The following LPAR6 variants were observed in gnomAD, a reference collection of about 807,000 sequenced individuals.
The protein encoded by LPAR6 is lysophosphatidic acid receptor 6.
A neutral mutation model predicts 22.0 loss-of-function variants in LPAR6; 17 were observed. The observed-to-expected ratio is 0.77, with a 90% CI of 0.53 to 1.16. The LOEUF is 1.16. Among genes scored for constraint, LPAR6 ranks in the 50% most tolerant of loss-of-function variants. The pLI is 0.00. For synonymous variants in LPAR6, 136 were observed against 139.8 expected, an observed-to-expected ratio of 0.97 and a Z score of 0.19; for missense variants, 384 against 406.9, an observed-to-expected ratio of 0.94 and a Z score of 0.48.
At position 48,411,960 on chromosome 13, in the gene LPAR6, T is replaced by G; in HGVS notation, c.464A>C (p.Gln155Pro). 2 of 1,612,676 alleles carry G rather than the reference T, an allele frequency of 1.2e-6. No homozygotes were observed. The highest frequency in any genetic ancestry group is 1.7e-6 in the Non-Finnish European group (2 of 1,179,192). ...ATTGTTACCCTGAGAGTGGGTAGAC[T>G]GAACAAAAACGGCGGGTGCACTTCC... ...IGGSAPAVFV[Q>P]STHSQGNNAS... Residue 155 changes from glutamine (Q) to proline (P), a missense_variant, in exon 1 of 1, where the codon CAG (glutamine) becomes CCG (proline). Gln to Pro is a moderately conservative substitution (Grantham distance 76). Coordinates refer to ENST00000620633, the MANE Select transcript of LPAR6 (RefSeq NM_001162498.3).
At chr13:48,394,464 T>G (rs913566566) in intron 1 of LPAR6, among the ~76,000 whole-genome samples, 3 of 152,172 alleles carry the variant, frequency 2.0e-5, no homozygotes, top group African/African-American at 7.2e-5. Context: ...CCTCAGCGGA[T>G]CCCACCCCCA....
intron 1 of LPAR6, among the ~76,000 whole-genome samples, chr13:48,444,282 C>T (rs1323780549): frequency 6.6e-6 from 1 of 152,096 alleles, no homozygotes; most frequent in Non-Finnish European, 1.5e-5. Flanking sequence ...TTTGGGAGGT[C>T]GAGGTGGGCA....
In LPAR6 at chr13:48,441,356, G is replaced by C. The variant is rs116656774; in HGVS notation, c.-1474+3197C>G. ...TACCTTTACATATCAAATTTCTATT[G>C]TATCTGGCCAACCTTTGATTTTAAG... On this transcript the variant is annotated intron_variant, in intron 1 of 6. Transcript: ENST00000378434. 4.7e-3 allele frequency among the ~76,000 whole-genome samples: 718 copies of C among 152,226 alleles called. 3 individuals carry two copies. Among genetic ancestry groups the C allele is most frequent in the African/African-American group, 0.016 (678 of 41,516 alleles).
chr13:48,397,699 C>T (rs980585876), intron 1 of LPAR6, among the ~76,000 whole-genome samples: 3 of 151,836 alleles, frequency 2.0e-5, no homozygotes, highest in Non-Finnish European at 4.4e-5. Context: ...AAATTTAAAT[C>T]GAGGGTCATT....
intron 1 of LPAR6, among the ~76,000 whole-genome samples, chr13:48,404,500 A>G (rs1948721944): frequency 6.6e-6 from 1 of 152,024 alleles, no homozygotes; most frequent in Admixed American, 6.6e-5. Context: ...AAGGGCCCAT[A>G]GTGCCAAGCA....
At chr13:48,415,404 C>T (rs1036407156), upstream of LPAR6, among the ~76,000 whole-genome samples, 1 of 151,748 alleles carries the variant, frequency 6.6e-6, no homozygotes, top group South Asian at 2.1e-4. Flanking sequence ...CTCAGCCTCC[C>T]GAGTAGCTGG....
At chr13:48,420,442 C>G (rs1042746115) in intron 2 of LPAR6, among the ~76,000 whole-genome samples, 2 of 152,164 alleles carry the variant, frequency 1.3e-5, no homozygotes, top group Admixed American at 1.3e-4. Context: ...ACTGAATCAG[C>G]AAAAGCTGGA....
At chr13:48,425,910 T>G (rs1487267855) in intron 1 of LPAR6, among the ~76,000 whole-genome samples, 1 of 152,222 alleles carries the variant, frequency 6.6e-6, no homozygotes, top group Non-Finnish European at 1.5e-5. Context: ...TGTGACTTGC[T>G]TAGGATTACA....
chr13:48,432,015 A>T (rs1276324322), intron 1 of LPAR6, among the ~76,000 whole-genome samples: 2 of 152,200 alleles, frequency 1.3e-5, no homozygotes, highest in Admixed American at 1.3e-4. Context: ...TGGAGAAGAC[A>T]ATCAATAAAT....
chr13:48,411,026 A>C (rs1948790371), downstream of LPAR6: 1 of 153,642 alleles, frequency 6.5e-6, no homozygotes, highest in African/African-American at 2.4e-5. Flanking sequence ...TTACATAAAC[A>C]TAAATTAGTA....
At chr13:48,393,141 T>C (rs1948623717) in intron 1 of LPAR6, among the ~76,000 whole-genome samples, 1 of 152,204 alleles carries the variant, frequency 6.6e-6, no homozygotes, top group African/African-American at 2.4e-5. Context: ...GGAAGGATTC[T>C]ACTCCTTCCC....
chr13:48,429,099 G>T (rs1566222596), upstream of LPAR6, among the ~76,000 whole-genome samples: 1 of 152,100 alleles, frequency 6.6e-6, no homozygotes, highest in Non-Finnish European at 1.5e-5. Context: ...ATTTATATTT[G>T]CTGATTTTTC....
chr13:48,403,308 C>T (rs934537146), intron 1 of LPAR6, among the ~76,000 whole-genome samples: 4 of 151,940 alleles, frequency 2.6e-5, no homozygotes, highest in African/African-American at 4.8e-5. Flanking sequence ...ACACTTCTAC[C>T]TCCTTTCTCC....
In LPAR6 at chr13:48,392,984, CAG is replaced by C. The variant is rs1226699368; in HGVS notation, n.115-3174_115-3173del. ...TTTATCTGGTTTTTGTTTTTGGACACAGAGCAGTCTTTAATCAATAGCCGATT... is the reference window on the plus strand; with the variant it reads ...TTTATCTGGTTTTTGTTTTTGGACACAGCAGTCTTTAATCAATAGCCGATT... On this transcript the variant is annotated intron_variant and non_coding_transcript_variant, in intron 1 of 1. Coordinates refer to the LPAR6 transcript ENST00000462781. Among the ~76,000 whole-genome samples the C allele has an allele frequency of 4.6e-5, 7 of 152,228 alleles. 1 individual carries two copies. The Middle Eastern group carries it at 0.01, about 222-fold the overall frequency.
In LPAR6 at chr13:48,399,708, T is replaced by G. The variant is rs371352810; in HGVS notation, n.115-9896A>C. ...GCAGGTATTCTGTGTTAAATGCTTA[T>G]GTAAGCCTGAGTTCTTCATCCAGAT... On this transcript the variant is annotated intron_variant and non_coding_transcript_variant, in intron 1 of 1. Coordinates refer to the LPAR6 transcript ENST00000462781. Among the ~76,000 whole-genome samples the G allele has an allele frequency of 1.7e-4, 26 of 152,182 alleles. No homozygotes were observed. The East Asian group carries it at 1.9e-3, about 11-fold the overall frequency.
chr13:48,394,654 C>T (rs545146871), intron 1 of LPAR6, among the ~76,000 whole-genome samples: 35 of 152,324 alleles, frequency 2.3e-4, no homozygotes, highest in African/African-American at 8.2e-4. Context: ...GCAGAGCCTA[C>T]CACAGCTCCC....
At chr13:48,398,089 G>A (rs536781977) in intron 1 of LPAR6, among the ~76,000 whole-genome samples, 18 of 152,254 alleles carry the variant, frequency 1.2e-4, no homozygotes, top group Admixed American at 9.8e-4. Flanking sequence ...GCAGTATGAT[G>A]CCATATATAC....
At chr13:48,407,515 G>C (rs933472829), downstream of LPAR6, among the ~76,000 whole-genome samples, 2 of 152,144 alleles carry the variant, frequency 1.3e-5, no homozygotes, top group African/African-American at 2.4e-5. Flanking sequence ...CTGACATCAA[G>C]TAAAAATGAT....
intron 1 of LPAR6, among the ~76,000 whole-genome samples, chr13:48,404,010 C>T (rs560606918): frequency 9.6e-4 from 146 of 151,728 alleles, no homozygotes; most frequent in African/African-American, 3.2e-3. Flanking sequence ...CAAAGAAAAA[C>T]GAAAAAAAAG....
Sources: gnomAD v4.1 joint callset for allele counts (sites outside exome capture counted in the v4.1 genomes callset) on GRCh38, gnomAD v4.1.1 for gene constraint, MANE v1.5 for transcripts, NCBI Gene and HGNC (gene_info 2026-07-23, HGNC 2026-07-21) for gene names.